Variants in SLX4IP observed in about 807,000 individuals in gnomAD.
The protein encoded by SLX4IP is SLX4 interacting protein.
A neutral mutation model predicts 32.9 loss-of-function variants in SLX4IP; 34 were observed. The observed-to-expected ratio is 1.03, with a 90% CI of 0.79 to 1.38. SLX4IP has a LOEUF of 1.38. Ranked by LOEUF, SLX4IP falls within the 40% of genes most tolerant of loss-of-function variation. SLX4IP has a pLI of 0.00. For synonymous variants in SLX4IP, 172 were observed against 171.7 expected (o/e 1.00, Z -0.01); for missense variants, 444 against 479.0 (o/e 0.93, Z 0.68).
chr20:10,566,859 G>A (rs1445460010), intron 4 of SLX4IP, among the ~76,000 whole-genome samples: 2 of 152,162 alleles, frequency 1.3e-5, no homozygotes, highest in South Asian at 2.1e-4. Flanking sequence ...GGATGATGTG[G>A]CTGGCAGAAA....
At chr20:10,496,276 G>A (rs2065666844) in intron 2 of SLX4IP, among the ~76,000 whole-genome samples, 1 of 152,048 alleles carries the variant, frequency 6.6e-6, no homozygotes, top group Non-Finnish European at 1.5e-5. Context: ...TCATTTCTAC[G>A]TGTTGGCAAC....
intron 2 of SLX4IP, among the ~76,000 whole-genome samples, chr20:10,459,447 T>C (rs1409727517): frequency 1.3e-5 from 2 of 152,252 alleles, no homozygotes; most frequent in Non-Finnish European, 2.9e-5. Context: ...AGTAGGCATA[T>C]GGAAAATTTA....
At chr20:10,438,011 A>C (rs758209039) in intron 1 of SLX4IP, among the ~76,000 whole-genome samples, 64 of 152,256 alleles carry the variant, frequency 4.2e-4, no homozygotes, top group Non-Finnish European at 7.3e-4. Context: ...AATGCTTGTC[A>C]TAGTGCCCGG....
chr20:10,451,277 C>T (rs753685870), intron 1 of SLX4IP, among the ~76,000 whole-genome samples: 25 of 152,046 alleles, frequency 1.6e-4, no homozygotes, highest in Non-Finnish European at 2.2e-4. Flanking sequence ...TCTCCTGCCT[C>T]AGCCTTGCGA....
intron 2 of SLX4IP, among the ~76,000 whole-genome samples, chr20:10,525,817 A>G (rs1216379532): frequency 6.6e-6 from 1 of 151,362 alleles, no homozygotes; most frequent in Non-Finnish European, 1.5e-5. Context: ...GTTTACCTTC[A>G]CCTCTCTTCT....
intron 6 of SLX4IP, among the ~76,000 whole-genome samples, chr20:10,612,072 T>C (rs2066973781): frequency 6.6e-6 from 1 of 152,188 alleles, no homozygotes; most frequent in Admixed American, 6.5e-5. Flanking sequence ...TGATGAATAC[T>C]CCTTGGGGAC....
chr20:10,574,944 A>T (rs2066508546), intron 4 of SLX4IP, among the ~76,000 whole-genome samples: 1 of 152,028 alleles, frequency 6.6e-6, no homozygotes, highest in African/African-American at 2.4e-5. Flanking sequence ...AAGTGCTGGG[A>T]TTACAGACGT....
intron 2 of SLX4IP, among the ~76,000 whole-genome samples, chr20:10,470,025 A>G (rs1165585205): frequency 3.3e-5 from 5 of 152,184 alleles, no homozygotes; most frequent in African/African-American, 7.2e-5. Context: ...CCTCTTCAGT[A>G]CTTCCTTTCC....
chr20:10,566,418 A>G (rs2066395109), intron 4 of SLX4IP, among the ~76,000 whole-genome samples: 1 of 148,930 alleles, frequency 6.7e-6, no homozygotes, highest in Non-Finnish European at 1.5e-5. Context: ...GTCACATGGT[A>G]CTTTGAACTT....
chr20:10,448,592 T>C (rs1350691928), intron 1 of SLX4IP, among the ~76,000 whole-genome samples: 5 of 152,200 alleles, frequency 3.3e-5, no homozygotes, highest in Admixed American at 3.3e-4. Context: ...CTTAGTCTCT[T>C]AGTTTTCTAG....
At chr20:10,607,410 C>T (rs2066917568) in intron 6 of SLX4IP, among the ~76,000 whole-genome samples, 1 of 152,228 alleles carries the variant, frequency 6.6e-6, no homozygotes, top group Non-Finnish European at 1.5e-5. Context: ...ATTAGTGGGA[C>T]ATACTGCCAA....
chr20:10,507,155 C>A (rs143764682), intron 2 of SLX4IP, among the ~76,000 whole-genome samples: 1 of 152,282 alleles, frequency 6.6e-6, no homozygotes, highest in Non-Finnish European at 1.5e-5. Context: ...AGATGTGTCT[C>A]AGGGACAGTG....
At chr20:10,532,778 ATTT>A (rs71334411) in intron 2 of SLX4IP, among the ~76,000 whole-genome samples, 2 of 146,710 alleles carry the variant, frequency 1.4e-5, no homozygotes, top group Admixed American at 6.8e-5. Context: ...GCCACAAGCA[ATTT>A]TTTTTTTTTT....
chr20:10,525,874 C>T (rs934541924), intron 2 of SLX4IP, among the ~76,000 whole-genome samples: 2 of 152,130 alleles, frequency 1.3e-5, no homozygotes, highest in Non-Finnish European at 2.9e-5. Context: ...TTGACTTATT[C>T]CTTTTTCGGT....
intron 6 of SLX4IP, among the ~76,000 whole-genome samples, chr20:10,608,728 A>C (rs914302602): frequency 6.6e-6 from 1 of 151,462 alleles, no homozygotes; most frequent in Non-Finnish European, 1.5e-5. Flanking sequence ...ATACAGTATT[A>C]ATTTTTATCA....
intron 2 of SLX4IP, among the ~76,000 whole-genome samples, chr20:10,516,224 G>C (rs2065848277): frequency 6.6e-6 from 1 of 152,174 alleles, no homozygotes; most frequent in Non-Finnish European, 1.5e-5. Context: ...TAGTATCTGG[G>C]ATAGTGGTGC....
At chr20:10,529,103 T>A (rs1230103787) in intron 2 of SLX4IP, among the ~76,000 whole-genome samples, 2 of 152,246 alleles carry the variant, frequency 1.3e-5, no homozygotes, top group African/African-American at 4.8e-5. Context: ...TTTAGGATGA[T>A]GTCTAAAGAC....
At chr20:10,552,453 A>C (rs1305826508) in intron 2 of SLX4IP, among the ~76,000 whole-genome samples, 10 of 151,098 alleles carry the variant, frequency 6.6e-5, no homozygotes, top group Admixed American at 6.6e-4. Context: ...CAAGAAGCAA[A>C]GCTTTGAGAG....
At chr20:10,616,804 C>G (rs1437440766) in intron 6 of SLX4IP, among the ~76,000 whole-genome samples, 2 of 152,140 alleles carry the variant, frequency 1.3e-5, no homozygotes, top group East Asian at 3.8e-4. Flanking sequence ...TTTATTTCTC[C>G]TCATAACATC....
Sources: gnomAD v4.1 joint callset for allele counts (sites outside exome capture counted in the v4.1 genomes callset) on GRCh38, gnomAD v4.1.1 for gene constraint, MANE v1.5 for transcripts, NCBI Gene and HGNC (gene_info 2026-07-23, HGNC 2026-07-21) for gene names.